SLC14A2: variants seen among roughly 807,000 people sequenced by gnomAD.
SLC14A2 encodes urea transporter 2.
A neutral mutation model predicts 104.6 loss-of-function variants in SLC14A2; 91 were observed. That is an observed-to-expected ratio of 0.87 (90% CI 0.73 to 1.04). The LOEUF is 1.04. Among genes scored for constraint, SLC14A2 ranks in the 50% least tolerant of loss-of-function variants. SLC14A2 has a pLI of 0.00. For missense variants in SLC14A2, 1,189 were observed against 1,156.0 expected (o/e 1.03, Z -0.41); for synonymous variants, 476 against 466.4 (o/e 1.02, Z -0.27).
At chr18:45,536,764 G>A (rs1415962711) in intron 2 of SLC14A2, among the ~76,000 whole-genome samples, 1 of 152,180 alleles carries the variant, frequency 6.6e-6, no homozygotes, top group Admixed American at 6.5e-5. Flanking sequence ...AAGACCCAAG[G>A]AGGTAAAAAT....
upstream of SLC14A2, among the ~76,000 whole-genome samples, chr18:45,610,676 G>T (rs2044958524): frequency 6.6e-6 from 1 of 152,216 alleles, no homozygotes; most frequent in South Asian, 2.1e-4. Flanking sequence ...GGAGGCATAT[G>T]TTGGGAATGG....
intron 2 of SLC14A2, among the ~76,000 whole-genome samples, chr18:45,509,338 C>T (rs1342032894): frequency 1.3e-5 from 2 of 152,032 alleles, no homozygotes; most frequent in Non-Finnish European, 2.9e-5. Flanking sequence ...ATCTGCTTGT[C>T]TCTCTTTCAA....
At position 45,598,440 on chromosome 18, in the gene SLC14A2, G is replaced by T. The variant is rs548271707; in HGVS notation, c.-34-26191G>T. Reference sequence around the variant, plus strand: ...ATTTCTTAGGTGGGCTACATGGACGGCGCTGCATTATGACTGGCGAGGGTC... The same window carrying T: ...ATTTCTTAGGTGGGCTACATGGACGTCGCTGCATTATGACTGGCGAGGGTC... On this transcript the variant is annotated intron_variant, in intron 2 of 20. Coordinates refer to the SLC14A2 transcript ENST00000586448. Among the ~76,000 whole-genome samples, 7 of 152,192 alleles carry T rather than the reference G, an allele frequency of 4.6e-5. 1 individual carries two copies. In the South Asian group the frequency reaches 6.3e-4, roughly 14 times the overall value.
At chr18:45,453,134 T>C (rs1206867405) in intron 1 of SLC14A2, among the ~76,000 whole-genome samples, 1 of 152,136 alleles carries the variant, frequency 6.6e-6, no homozygotes, top group Admixed American at 6.5e-5. Flanking sequence ...GCTTTTTCAC[T>C]TGGAAATTCA....
intron 1 of SLC14A2, among the ~76,000 whole-genome samples, chr18:45,616,385 G>A (rs979712521): frequency 2.0e-5 from 3 of 152,146 alleles, no homozygotes; most frequent in Non-Finnish European, 4.4e-5. Context: ...TTCATATCAA[G>A]CTCAATCAGC....
chr18:45,552,982 A>G (rs1430760130), intron 2 of SLC14A2, among the ~76,000 whole-genome samples: 1 of 152,202 alleles, frequency 6.6e-6, no homozygotes, highest in Non-Finnish European at 1.5e-5. Flanking sequence ...AGTGTTGGCT[A>G]GGGATAGAAG....
At chr18:45,580,430 T>C (rs1260045726) in intron 2 of SLC14A2, among the ~76,000 whole-genome samples, 1 of 152,160 alleles carries the variant, frequency 6.6e-6, no homozygotes, top group Non-Finnish European at 1.5e-5. Context: ...TGAGGAGCAC[T>C]AGCCTTTAGA....
At chr18:45,643,001 G>T in intron 8 of SLC14A2, 131 bp from the exon 9 acceptor site, 1 of 753,954 alleles carries the variant, frequency 1.3e-6, no homozygotes, top group East Asian at 2.6e-5. Flanking sequence ...TCAGGGCATG[G>T]TGCAGAATCT....
chr18:45,585,590 C>A (rs1237259975), intron 2 of SLC14A2, among the ~76,000 whole-genome samples: 1 of 152,196 alleles, frequency 6.6e-6, no homozygotes, highest in Non-Finnish European at 1.5e-5. Context: ...CATAGGCATA[C>A]CTGAATTACC....
At chr18:45,308,145 C>T (rs909753137) in intron 1 of SLC14A2, among the ~76,000 whole-genome samples, 12 of 152,170 alleles carry the variant, frequency 7.9e-5, no homozygotes, top group African/African-American at 1.9e-4. Flanking sequence ...AAACACCTCC[C>T]GGTATGTCCC....
At chr18:45,477,609 T>A (rs2087407670) in intron 1 of SLC14A2, among the ~76,000 whole-genome samples, 1 of 152,178 alleles carries the variant, frequency 6.6e-6, no homozygotes, top group African/African-American at 2.4e-5. Context: ...AGGTGCTTTG[T>A]CCCACGGAGA....
chr18:45,223,331 C>G (rs1052627136), intron 1 of SLC14A2, among the ~76,000 whole-genome samples: 2 of 152,010 alleles, frequency 1.3e-5, no homozygotes, highest in East Asian at 3.9e-4. Context: ...GCATTAAGCA[C>G]CATGGAGAAA....
chr18:45,237,331 G>T (rs1481244362), intron 1 of SLC14A2, among the ~76,000 whole-genome samples: 4 of 152,116 alleles, frequency 2.6e-5, no homozygotes, highest in Non-Finnish European at 5.9e-5. Context: ...GGATGCCCAG[G>T]AGAGTGTCCC....
intron 1 of SLC14A2, among the ~76,000 whole-genome samples, chr18:45,348,831 C>G (rs576035985): frequency 6.6e-6 from 1 of 152,344 alleles, no homozygotes; most frequent in African/African-American, 2.4e-5. Flanking sequence ...TGATCAAGCT[C>G]AAGCATCTGT....
At chr18:45,184,934 G>A in the SLC14A2 span, among the ~76,000 whole-genome samples, 5 of 152,194 alleles carry the variant, frequency 3.3e-5, no homozygotes, top group East Asian at 9.6e-4. Context: ...AATAAATACA[G>A]TAGGTTCAGG....
chr18:45,317,790 T>C (rs2144231459), intron 1 of SLC14A2, among the ~76,000 whole-genome samples: 1 of 152,330 alleles, frequency 6.6e-6, no homozygotes, highest in East Asian at 1.9e-4. Context: ...TCTCCTCCCC[T>C]TCTGTCTCCT....
chr18:45,202,995 G>T, the SLC14A2 span, among the ~76,000 whole-genome samples: 1 of 152,202 alleles, frequency 6.6e-6, no homozygotes, highest in Non-Finnish European at 1.5e-5. Context: ...CCGTTCCAGT[G>T]GTTCTGGCTG....
At chr18:45,307,684 C>T (rs1449738250) in intron 1 of SLC14A2, among the ~76,000 whole-genome samples, 1 of 152,110 alleles carries the variant, frequency 6.6e-6, no homozygotes, top group Non-Finnish European at 1.5e-5. Context: ...AAAAACCTAT[C>T]CTCATAATAA....
chr18:45,458,857 T>C lies in SLC14A2; in HGVS notation c.-124-24376T>C, dbSNP rs910295961. 1.2e-4 allele frequency among the ~76,000 whole-genome samples: 18 copies of C among 152,296 alleles called. No homozygotes were observed. The South Asian group carries it at 3.7e-3, about 32-fold the overall frequency. On this transcript the variant is annotated intron_variant, in intron 1 of 20. Transcript: ENST00000586448. ...CCGGATGAAACTTCCTCAAGACTTT[T>C]CACAATTCCACTAAAGTTGGAGAAT... is the stretch of plus-strand genomic sequence containing the variant.
Sources: gnomAD v4.1 joint callset for allele counts (sites outside exome capture counted in the v4.1 genomes callset) on GRCh38, gnomAD v4.1.1 for gene constraint, MANE v1.5 for transcripts, NCBI Gene and HGNC (gene_info 2026-07-23, HGNC 2026-07-21) for gene names.